The following NGEF variants were observed in gnomAD, a reference collection of about 807,000 sequenced individuals.
The protein encoded by NGEF is neuronal guanine nucleotide exchange factor.
In NGEF, 31 loss-of-function variants were observed where a neutral mutation model predicts 80.9. The observed-to-expected ratio is 0.38, with a 90% CI of 0.29 to 0.52. The LOEUF is 0.52. Among genes scored for constraint, NGEF ranks in the 20% least tolerant of loss-of-function variants. The pLI, the probability that NGEF is intolerant of heterozygous loss-of-function variation, is 0.84. For synonymous variants in NGEF, 371 were observed against 370.2 expected, an observed-to-expected ratio of 1.00 and a Z score of -0.03; for missense variants, 709 against 926.2, an observed-to-expected ratio of 0.77 and a Z score of 3.04.
intron 1 of NGEF, among the ~76,000 whole-genome samples, chr2:232,993,135 ATT>A (rs1694688775): frequency 7.7e-6 from 1 of 129,528 alleles, no homozygotes; most frequent in African/African-American, 3.0e-5. Context: ...ATATATATTT[ATT>A]TATATATATA....
rs181348034 is a variant in NGEF at position 232,907,355 on chromosome 2, T to C, written c.829-12439A>G. Among the ~76,000 whole-genome samples, 5 of 152,160 alleles carry C rather than the reference T, an allele frequency of 3.3e-5. No individual in the cohort carries two copies. The East Asian group carries it at 5.8e-4, about 18-fold the overall frequency. ...CTTTTGTAGCTAAAGAAAAAGAGAGTTCCTGACAACAGATTGTACTGGCAG... is the reference window on the plus strand; with the variant it reads ...CTTTTGTAGCTAAAGAAAAAGAGAGCTCCTGACAACAGATTGTACTGGCAG... On this transcript the variant is annotated intron_variant, in intron 5 of 14. Transcript: ENST00000264051.
intron 3 of NGEF, among the ~76,000 whole-genome samples, chr2:232,932,121 G>C (rs1693225745): frequency 6.7e-6 from 1 of 149,240 alleles, no homozygotes; most frequent in Non-Finnish European, 1.5e-5. Context: ...GTTCTCTACA[G>C]CTCCCCTCTA....
At position 232,905,631 on chromosome 2, in the gene NGEF, G is replaced by A. The variant is rs529400460; in HGVS notation, c.829-10715C>T. Reference sequence around the variant, plus strand: ...TGGAAAGTGAGGAGCGTCTCTGCCCGGCCGCCATCCCACCTGGGAAGTGAG... The same window carrying A: ...TGGAAAGTGAGGAGCGTCTCTGCCCAGCCGCCATCCCACCTGGGAAGTGAG... On this transcript the variant is annotated intron_variant, in intron 5 of 14. Coordinates refer to ENST00000264051, the MANE Select transcript of NGEF (RefSeq NM_019850.3). 1,574 of 349,232 alleles carry A rather than the reference G, an allele frequency of 4.5e-3. 24 individuals carry two copies. Among genetic ancestry groups the A allele is most frequent in the African/African-American group, 0.033 (1,437 of 44,182 alleles). The allele number at this position is 349,232 out of a possible 1,614,324, so 21.6% of individuals were successfully genotyped here. A position where few individuals can be genotyped will look rare whatever the true frequency, so the allele number is the denominator to read the frequency against.
intron 5 of NGEF, among the ~76,000 whole-genome samples, chr2:232,916,730 A>G (rs1692810858): frequency 6.6e-6 from 1 of 152,232 alleles, no homozygotes; most frequent in African/African-American, 2.4e-5. Flanking sequence ...CCGCTCTTGC[A>G]CTGCTGGTAG....
chr2:232,946,999 C>A (rs1693573778), intron 3 of NGEF, among the ~76,000 whole-genome samples: 2 of 152,118 alleles, frequency 1.3e-5, no homozygotes, highest in Admixed American at 1.3e-4. Flanking sequence ...CTAGAACATT[C>A]CCATTTTGCA....
At position 232,895,942 on chromosome 2, in the gene NGEF, C is replaced by T. The variant is rs1692044733; in HGVS notation, c.829-1026G>A. On this transcript the variant is annotated intron_variant, in intron 5 of 14. Coordinates refer to ENST00000264051, the MANE Select transcript of NGEF (RefSeq NM_019850.3). ...TGACTAGGATCTAACAGCAGTTCTGCATCTCATGGGTCATTCTGTAAGGGC... is the reference window on the plus strand; with the variant it reads ...TGACTAGGATCTAACAGCAGTTCTGTATCTCATGGGTCATTCTGTAAGGGC... 2.6e-5 allele frequency among the ~76,000 whole-genome samples: 4 copies of T among 152,170 alleles called. No individual in the cohort carries two copies. In the South Asian group the frequency reaches 6.2e-4, roughly 24 times the overall value.
intron 3 of NGEF, 129 bp downstream of exon 3, chr2:232,970,085 C>T: frequency 2.3e-6 from 1 of 437,906 alleles, no homozygotes; most frequent in Non-Finnish European, 4.0e-6. Flanking sequence ...ATTTTTTTAG[C>T]ACGGGCAACC....
rs377661429 is a variant in NGEF at position 232,891,454 on chromosome 2, C to G, written c.1176G>C (p.Ala392=). 1.5e-5 allele frequency: 25 copies of G among 1,613,250 alleles called. 1 individual carries two copies. The African/African-American group carries it at 1.6e-4, about 10-fold the overall frequency. ...TGCACTTGGGGTCGAGCTCTAGCTG[C>G]GCGATCAGCTCCCGGAAAGCTGCCT... is the stretch of plus-strand genomic sequence containing the variant. ...QEKAAFRELI[A]QLELDPKCRG... is the part of the protein sequence containing the mutation. Residue 392 remains alanine (A), a synonymous_variant, in exon 8 of 15, where the codon GCG becomes GCC. Coordinates refer to ENST00000264051, the MANE Select transcript of NGEF (RefSeq NM_019850.3).
chr2:232,926,202 G>C lies in NGEF; in HGVS notation c.526+842C>G, dbSNP rs368496936. ...CCAAACCTAGAATTTTTATTTAACA[G>C]ATAGACTGTCGGCTGCTCTGACAAC... On this transcript the variant is annotated intron_variant, in intron 4 of 14. Transcript: ENST00000264051. 5.3e-5 allele frequency among the ~76,000 whole-genome samples: 8 copies of C among 152,190 alleles called. No individual in the cohort carries two copies. In the East Asian group the frequency reaches 9.6e-4, roughly 18 times the overall value.
At chr2:232,956,665 G>C (rs967368681) in intron 3 of NGEF, among the ~76,000 whole-genome samples, 3 of 151,896 alleles carry the variant, frequency 2.0e-5, no homozygotes, top group African/African-American at 7.3e-5. Flanking sequence ...TACTTGGGAG[G>C]CTGAGGCAGG....
At chr2:232,902,106 A>C (rs1692374782) in intron 5 of NGEF, among the ~76,000 whole-genome samples, 1 of 152,208 alleles carries the variant, frequency 6.6e-6, no homozygotes, top group African/African-American at 2.4e-5. Context: ...TGCCCCACAG[A>C]GTCCTCTTGC....
At chr2:232,928,178 G>T (rs1462827470) in intron 3 of NGEF, 14 of 979,238 alleles carry the variant, frequency 1.4e-5, no homozygotes, top group Non-Finnish European at 1.7e-5. Flanking sequence ...GCGCCTGGAG[G>T]CTCCCGGGGT....
At chr2:232,988,305 C>T (rs1277290055) in intron 1 of NGEF, among the ~76,000 whole-genome samples, 3 of 152,156 alleles carry the variant, frequency 2.0e-5, no homozygotes, top group Non-Finnish European at 2.9e-5. Context: ...TGTAACGTGG[C>T]TGAAATGTGC....
chr2:232,935,254 A>C (rs1314457797), intron 3 of NGEF, among the ~76,000 whole-genome samples: 1 of 152,176 alleles, frequency 6.6e-6, no homozygotes, highest in Non-Finnish European at 1.5e-5. Flanking sequence ...AAGGAAGTGG[A>C]TGGAAGCTGA....
intron 1 of NGEF, among the ~76,000 whole-genome samples, chr2:232,980,288 T>C (rs1694386309): frequency 6.6e-6 from 1 of 150,924 alleles, no homozygotes; most frequent in African/African-American, 2.4e-5. Context: ...AGGTGGGGAG[T>C]TGTGGGGAGC....
Position 232,966,283 on chromosome 2 carries a change from C to T in NGEF, c.383+3931G>A, listed in dbSNP as rs900814021. Among the ~76,000 whole-genome samples the T allele has an allele frequency of 8.5e-5, 13 of 152,168 alleles. 1 individual carries two copies. The highest frequency in any genetic ancestry group is 1.8e-4 in the Non-Finnish European group (12 of 68,026). ...CTTGGCATGTGCAAAGCTCTTAAGC[C>T]TCGACTCCAGCAGGAAGTGCTCTTG... On this transcript the variant is annotated intron_variant, in intron 3 of 14. Transcript: ENST00000264051.
chr2:232,910,703 T>C (rs1274329483), intron 5 of NGEF, among the ~76,000 whole-genome samples: 2 of 152,240 alleles, frequency 1.3e-5, no homozygotes, highest in Non-Finnish European at 1.5e-5. Flanking sequence ...TTAGCAATGT[T>C]TGCTGTGTGT....
intron 1 of NGEF, among the ~76,000 whole-genome samples, chr2:233,011,407 T>C (rs1695200037): frequency 6.6e-6 from 1 of 152,034 alleles, no homozygotes; most frequent in Non-Finnish European, 1.5e-5. Flanking sequence ...TTGGTGCTGG[T>C]GGCTCACCAG....
chr2:232,928,340 C>T (rs1223251333), intron 3 of NGEF, among the ~76,000 whole-genome samples: 5 of 150,760 alleles, frequency 3.3e-5, no homozygotes, highest in Admixed American at 1.3e-4. Context: ...CTTCCTCCCC[C>T]GCGCCGCCGT....
Sources: allele counts gnomAD v4.1 joint callset (sites outside exome capture counted in the v4.1 genomes callset), GRCh38; gene constraint gnomAD v4.1.1; transcripts MANE v1.5; gene names NCBI Gene and HGNC (gene_info 2026-07-23, HGNC 2026-07-21).